Variants in DYNC2H1 observed in about 807,000 individuals in gnomAD.
DYNC2H1 encodes cytoplasmic dynein 2 heavy chain 1.
Under a neutral mutation model 570.0 loss-of-function variants are expected in DYNC2H1, and 410 were observed. That is an observed-to-expected ratio of 0.72 (90% CI 0.66 to 0.78). DYNC2H1 has a LOEUF of 0.78. Ranked by LOEUF, DYNC2H1 falls within the 30% of genes least tolerant of loss-of-function variation. The pLI is 0.00. For synonymous variants in DYNC2H1, 1,688 were observed against 1,677.6 expected (o/e 1.01, Z -0.15); for missense variants, 4,865 against 5,046.4 (o/e 0.96, Z 1.09).
At chr11:103,405,236 G>C (rs756965642) in intron 84 of DYNC2H1, 3 of 151,914 alleles carry the variant, frequency 2.0e-5, no homozygotes, top group Non-Finnish European at 4.4e-5. Flanking sequence ...GTATGGTAAT[G>C]CCGGGGGCTA....
intron 75 of DYNC2H1, among the ~76,000 whole-genome samples, chr11:103,293,619 C>CT (rs77012031): frequency 0.17 from 25,035 of 151,674 alleles, 2,247 homozygotes; most frequent in Admixed American, 0.25. Context: ...ATTCTTCTTT[C>CT]TTTTTCTCCT....
rs1424684452 is a variant in DYNC2H1 at position 103,369,731 on chromosome 11, C to T, written c.12156+11372C>T. Among the ~76,000 whole-genome samples the T allele has an allele frequency of 6.6e-6, 1 of 152,184 alleles. No individual in the cohort carries two copies. On this transcript the variant is annotated intron_variant, in intron 83 of 88. Transcript: ENST00000375735. This position sits in a 1 kb window ranked among gnomAD's most constrained non-coding sequence, Gnocchi z 4.0. ...CACTGCATCAGAAAGCAACCTGCTG[C>T]CTTGAAGGGAAGTACCCAATCCTGG...
rs544776523 is a variant in DYNC2H1 at position 103,129,633 on chromosome 11, G to C, written c.1953+628G>C. On this transcript the variant is annotated intron_variant, in intron 13 of 88. Coordinates refer to ENST00000375735, the MANE Select transcript of DYNC2H1 (RefSeq NM_001377.3). This position sits in a 1 kb window ranked among gnomAD's most constrained non-coding sequence, Gnocchi z 4.1. ...CAGGAGGTGGAGGTTGCAGTGGGTC[G>C]AGATCGTGCCACTGCACTCTAGCCT... Among the ~76,000 whole-genome samples, 6 of 151,742 alleles carry C rather than the reference G, an allele frequency of 4.0e-5. No homozygotes were observed. Among genetic ancestry groups the C allele is most frequent in the African/African-American group, 1.5e-4 (6 of 41,318 alleles).
At chr11:103,236,328 G>A (rs958683379) in intron 62 of DYNC2H1, 102 bp from the exon 63 acceptor site, 52 of 727,118 alleles carry the variant, frequency 7.2e-5, no homozygotes, top group Non-Finnish European at 1.1e-4. Context: ...TTCAAGTAAG[G>A]ACTGTCATAG....
chr11:103,154,821 T>A lies in DYNC2H1; in HGVS notation c.3573+12T>A. The A allele has an allele frequency of 6.6e-7, 1 of 1,524,224 alleles. No individual in the cohort carries two copies. Among genetic ancestry groups the A allele is most frequent in the African/African-American group, 1.4e-5 (1 of 71,854 alleles). The allele number at this position is 1,524,224 out of a possible 1,614,324, so 94.4% of individuals were successfully genotyped here. On this transcript the variant is annotated intron_variant, in intron 24 of 88. Transcript: ENST00000375735. ...TTGACAAATATAAAGTAAGATTGTT[T>A]TATTATTTTGCCAATTAAAAACAAT... is the stretch of plus-strand genomic sequence containing the variant.
rs1859126548 is a variant in DYNC2H1 at position 103,128,857 on chromosome 11, A to T, written c.1858-53A>T. ...ATTTTCATTCAAACAATTAAAAATA[A>T]AAAATTAAAAATGAAGTTATTAATT... On this transcript the variant is annotated intron_variant, in intron 12 of 88. Coordinates refer to ENST00000375735, the MANE Select transcript of DYNC2H1 (RefSeq NM_001377.3). The T allele has an allele frequency of 5.2e-6, 7 of 1,335,130 alleles. No individual in the cohort carries two copies. The South Asian group carries it at 7.0e-5, about 13-fold the overall frequency. The allele number at this position is 1,335,130 out of a possible 1,614,324, so 82.7% of individuals were successfully genotyped here.
At chr11:103,477,070 G>T (rs1254363626) in intron 88 of DYNC2H1, among the ~76,000 whole-genome samples, 1 of 152,000 alleles carries the variant, frequency 6.6e-6, no homozygotes, top group African/African-American at 2.4e-5. Context: ...AGTGTCATTT[G>T]TCTTTCTATA....
At chr11:103,300,116 C>T (rs1027260510) in intron 75 of DYNC2H1, among the ~76,000 whole-genome samples, 2 of 151,910 alleles carry the variant, frequency 1.3e-5, no homozygotes, top group Non-Finnish European at 2.9e-5. Flanking sequence ...ATACTTACTA[C>T]GTATAATAGT....
At chr11:103,131,677 A>G (rs1859280007) in intron 13 of DYNC2H1, among the ~76,000 whole-genome samples, 1 of 151,822 alleles carries the variant, frequency 6.6e-6, no homozygotes, top group African/African-American at 2.4e-5. Context: ...CTTTTCCCTC[A>G]TTCCTGAAGG....
chr11:103,435,918 A>G (rs1392839490), intron 84 of DYNC2H1, 25 bp from the exon 85 acceptor site: 1 of 1,608,184 alleles, frequency 6.2e-7, no homozygotes, highest in Admixed American at 1.7e-5. Context: ...ACACAAACTT[A>G]ATTTTGACCC....
At position 103,117,634 on chromosome 11, in the gene DYNC2H1, G is replaced by T. The variant is rs1858479633; in HGVS notation, c.770G>T (p.Gly257Val). 3.1e-6 allele frequency: 5 copies of T among 1,589,510 alleles called. No homozygotes were observed. The highest frequency in any genetic ancestry group is 3.4e-6 in the Non-Finnish European group (4 of 1,167,100). The stretch of plus-strand genomic sequence containing the variant: ...TCTTTGCTTTATGTTTTATTAGGTG[G>T]TTCATTTGGAAGGTTTGTTCAGAAA... The part of the protein sequence containing the change: ...RMLHLLDIIG[G>V]SFGRFVQKKL... Residue 257 changes from glycine to valine, a missense_variant, in exon 6 of 89, where the codon GGT (glycine) becomes GTT (valine). Gly to Val is a moderately radical substitution (Grantham distance 109). Coordinates refer to ENST00000375735, the MANE Select transcript of DYNC2H1 (RefSeq NM_001377.3).
rs1201712622 is a variant in DYNC2H1, at chr11:103,410,536, A to G, written c.12366+10664A>G. On this transcript the variant is annotated intron_variant, in intron 84 of 88. Coordinates refer to ENST00000375735, the MANE Select transcript of DYNC2H1 (RefSeq NM_001377.3). ...CCCTAGAGGGATATAAAGCACCGCC[A>G]AGTCCTTTGAGTTTTAAGCTATTGC... Among the ~76,000 whole-genome samples, 17 of 152,220 alleles carry G rather than the reference A, an allele frequency of 1.1e-4. No homozygotes were observed. The East Asian group carries it at 3.1e-3, about 28-fold the overall frequency.
At chr11:103,210,300 T>C (rs1247189710) in intron 53 of DYNC2H1, among the ~76,000 whole-genome samples, 1 of 152,048 alleles carries the variant, frequency 6.6e-6, no homozygotes, top group African/African-American at 2.4e-5. Context: ...CACTTAGATA[T>C]GGCACAGAAC....
chr11:103,310,464 G>A (rs888235788), intron 78 of DYNC2H1, among the ~76,000 whole-genome samples: 1 of 151,756 alleles, frequency 6.6e-6, no homozygotes, highest in Admixed American at 6.6e-5. Flanking sequence ...AACTGTATAG[G>A]ATTTATTAAT....
At chr11:103,154,950 T>A in intron 24 of DYNC2H1, 141 bp downstream of exon 24, 4 of 668,156 alleles carry the variant, frequency 6.0e-6, no homozygotes, top group Non-Finnish European at 9.3e-6. Context: ...AAATACAGAG[T>A]AAACCATAGA....
intron 73 of DYNC2H1, among the ~76,000 whole-genome samples, chr11:103,285,099 G>T (rs1866293818): frequency 6.6e-6 from 1 of 152,166 alleles, no homozygotes; most frequent in African/African-American, 2.4e-5. Flanking sequence ...AACATTCTTT[G>T]TTTTTGGATT....
Position 103,168,862 on chromosome 11 carries a change from TG to T in DYNC2H1, c.4873del (p.Ala1625LeufsTer10). 2 of 1,613,246 alleles carry T rather than the reference TG, an allele frequency of 1.2e-6. No homozygotes were observed. Among genetic ancestry groups the T allele is most frequent in the Non-Finnish European group, 1.7e-6 (2 of 1,179,486 alleles). On this transcript the variant is annotated frameshift_variant, in exon 32 of 89. Transcript: ENST00000375735. LOFTEE classifies it high-confidence loss of function. Reference sequence around the variant, plus strand: ...AATTCAGGTTCATACAACTGAAGACTGGGCTTGGAAAAAACAACTTAGATTC... The same window carrying T: ...AATTCAGGTTCATACAACTGAAGACTGGCTTGGAAAAAACAACTTAGATTC... ...NQIQVHTTED[W>X]AWKKQLRFYM...
rs926683906 is a variant in DYNC2H1 at position 103,201,689 on chromosome 11, T to C, written c.8197+1535T>C. On this transcript the variant is annotated intron_variant, in intron 50 of 88. Transcript: ENST00000375735. This position sits in a 1 kb window ranked among gnomAD's most constrained non-coding sequence, Gnocchi z 4.8. Reference sequence around the variant, plus strand: ...CCAGCAAACTGTGGTACTCTCCTGCTGTCTGTGGTGTTACCTGACCTTTTT... The same window carrying C: ...CCAGCAAACTGTGGTACTCTCCTGCCGTCTGTGGTGTTACCTGACCTTTTT... Among the ~76,000 whole-genome samples the C allele has an allele frequency of 2.6e-5, 4 of 152,158 alleles. No individual in the cohort carries two copies. Among genetic ancestry groups the C allele is most frequent in the Non-Finnish European group, 5.9e-5 (4 of 68,016 alleles).
At chr11:103,149,545 A>G (rs1860429153) in intron 20 of DYNC2H1, among the ~76,000 whole-genome samples, 2 of 152,230 alleles carry the variant, frequency 1.3e-5, no homozygotes, top group Non-Finnish European at 2.9e-5. Context: ...ACAGACTTTT[A>G]TGTGATAGAC....
Sources: allele counts gnomAD v4.1 joint callset (sites outside exome capture counted in the v4.1 genomes callset), GRCh38; gene constraint gnomAD v4.1.1; non-coding constraint Gnocchi (gnomAD v3.1); transcripts MANE v1.5; gene names NCBI Gene and HGNC (gene_info 2026-07-23, HGNC 2026-07-21).